ALDH9A1: variants seen among roughly 807,000 people sequenced by gnomAD.
ALDH9A1 encodes the protein aldehyde dehydrogenase 9 family member A1.
A neutral mutation model predicts 56.6 loss-of-function variants in ALDH9A1; 42 were observed. The observed-to-expected ratio is 0.74, with a 90% confidence interval of 0.58 to 0.96. The LOEUF (loss-of-function observed/expected upper bound fraction) is 0.96, where lower values mean the gene tolerates loss of function less well. Ranked by LOEUF, ALDH9A1 falls within the 40% of genes least tolerant of loss-of-function variation. ALDH9A1 has a pLI of 0.00. For synonymous variants in ALDH9A1, 242 were observed against 236.0 expected, an observed-to-expected ratio of 1.03 and a Z score of -0.23; for missense variants, 661 against 651.5, an observed-to-expected ratio of 1.01 and a Z score of -0.16.
intron 7 of ALDH9A1, 75 bp from the exon 8 acceptor site, chr1:165,669,088 C>T: frequency 1.4e-6 from 2 of 1,401,508 alleles, no homozygotes; most frequent in East Asian, 2.3e-5. Flanking sequence ...TTAATTGTAT[C>T]CCGAACAAAC....
At chr1:165,666,816 A>G (rs1369489087) in intron 9 of ALDH9A1, among the ~76,000 whole-genome samples, 2 of 152,230 alleles carry the variant, frequency 1.3e-5, no homozygotes, top group African/African-American at 4.8e-5. Context: ...TTTTACTTGT[A>G]ATAGTAAAGT....
At position 165,671,172 on chromosome 1, in the gene ALDH9A1, A is replaced by G. The variant is rs190651904; in HGVS notation, c.931-1722T>C. ...TAAAAATTTAAAATTGTGACTATAT[A>G]TGCTGTTAAGAAAGGCTATGAAGAA... On this transcript the variant is annotated intron_variant, in intron 6 of 10. Coordinates refer to ENST00000354775, the MANE Select transcript of ALDH9A1 (RefSeq NM_000696.4). The G allele has an allele frequency of 1.7e-4, 28 of 169,030 alleles. 1 individual carries two copies. The East Asian group carries it at 4.7e-3, about 28-fold the overall frequency. The allele number at this position is 169,030 out of a possible 1,614,324, so 10.5% of individuals were successfully genotyped here.
chr1:165,674,871 T>C (rs1040413464), intron 6 of ALDH9A1, among the ~76,000 whole-genome samples: 1 of 151,746 alleles, frequency 6.6e-6, no homozygotes, highest in Admixed American at 6.6e-5. Context: ...AACGGATAAA[T>C]TGTGATACAT....
At chr1:165,674,685 C>CAAAAAAAAAAAAAAAAAAA (rs36011778) in intron 6 of ALDH9A1, among the ~76,000 whole-genome samples, 1 of 115,556 alleles carries the variant, frequency 8.7e-6, no homozygotes, top group African/African-American at 3.4e-5. Context: ...GACTCCGAAT[C>CAAAAAAAAAAAAAAAAAAA]AAAAAAAAAA....
In ALDH9A1 at chr1:165,662,907, GAA is replaced by G. The variant is rs1648887350; in HGVS notation, c.*141_*142del. The stretch of plus-strand genomic sequence containing the variant: ...TTCAGTGAGGAAGCTGATGGAGAGA[GAA>G]AGAGTAACATGAACCATTCTCTTAT... On this transcript the variant is annotated 3_prime_UTR_variant, in exon 11 of 11. Coordinates refer to ENST00000354775, the MANE Select transcript of ALDH9A1 (RefSeq NM_000696.4). 3.0e-6 allele frequency: 2 copies of G among 674,702 alleles called. No homozygotes were observed. Among genetic ancestry groups the G allele is most frequent in the Non-Finnish European group, 5.2e-6 (2 of 382,294 alleles). The allele number at this position is 674,702 out of a possible 1,614,324, so 41.8% of individuals were successfully genotyped here.
intron 6 of ALDH9A1, chr1:165,676,511 C>T: frequency 3.5e-6 from 1 of 288,124 alleles, no homozygotes; most frequent in Non-Finnish European, 6.5e-6. Flanking sequence ...ACAATGTTAC[C>T]CAGCATGTTG....
chr1:165,664,274 A>G (rs1215332448), intron 10 of ALDH9A1, among the ~76,000 whole-genome samples: 1 of 152,184 alleles, frequency 6.6e-6, no homozygotes. Flanking sequence ...TGGTGCCTCG[A>G]CAAAGTCCAA....
intron 2 of ALDH9A1, among the ~76,000 whole-genome samples, chr1:165,686,261 G>A (rs527240130): frequency 3.3e-4 from 51 of 152,240 alleles, no homozygotes; most frequent in African/African-American, 1.1e-3. Context: ...GGAGTCTACT[G>A]CCTAGAGAAA....
At chr1:165,696,197 G>C (rs1420200763) in intron 1 of ALDH9A1, among the ~76,000 whole-genome samples, 1 of 152,080 alleles carries the variant, frequency 6.6e-6, no homozygotes, top group Admixed American at 6.6e-5. Flanking sequence ...TTAGGAGTCT[G>C]ATAAAAGTTG....
intron 9 of ALDH9A1, among the ~76,000 whole-genome samples, chr1:165,666,590 C>A (rs1169976338): frequency 1.3e-5 from 2 of 152,130 alleles, no homozygotes; most frequent in Non-Finnish European, 2.9e-5. Flanking sequence ...GCAATTACAT[C>A]AGGTCCTCAA....
chr1:165,673,272 A>C (rs948591914), intron 6 of ALDH9A1, among the ~76,000 whole-genome samples: 1 of 152,226 alleles, frequency 6.6e-6, no homozygotes, highest in Non-Finnish European at 1.5e-5. Flanking sequence ...ATCTGTTAGC[A>C]TGGTTATTAT....
chr1:165,697,751 G>C (rs1168243329), intron 1 of ALDH9A1, among the ~76,000 whole-genome samples: 6 of 152,164 alleles, frequency 3.9e-5, no homozygotes, highest in African/African-American at 1.4e-4. Context: ...ACAGTTGGCT[G>C]GGCTTGGTGG....
At chr1:165,695,508 T>C in intron 1 of ALDH9A1, 111 bp from the exon 2 acceptor site, 1 of 368,258 alleles carries the variant, frequency 2.7e-6, no homozygotes, top group Non-Finnish European at 3.4e-6. Context: ...TTTTTTTTTT[T>C]TTCTTGAGAT....
chr1:165,668,939 T>G lies in ALDH9A1; in HGVS notation c.1194A>C (p.Arg398Ser). The change falls in exon 8 of 11, where the codon AGA becomes AGC. Residue 398 changes from arginine (R) to serine (S), a missense_variant. Physicochemically the swap from Arg to Ser is moderately radical, Grantham distance 110. Transcript: ENST00000354775. ...AAGAGGACATACTTAATACACAAGGTCTCATGTAATATCCATCCTTTAATT... is the reference window on the plus strand; with the variant it reads ...AAGAGGACATACTTAATACACAAGGGCTCATGTAATATCCATCCTTTAATT... The part of the protein sequence containing the change: ...DPKLKDGYYM[R>S]PCVLTNCRDD... 6.3e-7 allele frequency: 1 copy of G among 1,599,694 alleles called. No homozygotes were observed. Among genetic ancestry groups the G allele is most frequent in the Non-Finnish European group, 8.6e-7 (1 of 1,167,056 alleles).
Position 165,662,385 on chromosome 1 carries a change from T to G in ALDH9A1, c.*665A>C, listed in dbSNP as rs1648869095. On this transcript the variant is annotated 3_prime_UTR_variant, in exon 11 of 11. Coordinates refer to ENST00000354775, the MANE Select transcript of ALDH9A1 (RefSeq NM_000696.4). ...GCAGTAGTGAACAGAGACAAAGTGC[T>G]TACTAGGCAAGTTCACATTCACACA... is the stretch of plus-strand genomic sequence containing the variant. The G allele has an allele frequency of 6.6e-6, 1 of 152,356 alleles. No homozygotes were observed. Among genetic ancestry groups the G allele is most frequent in the Non-Finnish European group, 1.5e-5 (1 of 68,172 alleles). 9.4% of individuals were successfully genotyped at this position (152,356 alleles called of 1,614,324 possible). A position where few individuals can be genotyped will look rare whatever the true frequency, so the allele number is the denominator to read the frequency against.
At chr1:165,694,675 G>A (rs986078864) in intron 2 of ALDH9A1, among the ~76,000 whole-genome samples, 1 of 152,070 alleles carries the variant, frequency 6.6e-6, no homozygotes. Context: ...AAGAAAGAAA[G>A]GCTGGGCACA....
At chr1:165,677,857 C>CA (rs35531113) in intron 6 of ALDH9A1, among the ~76,000 whole-genome samples, 1,526 of 86,778 alleles carry the variant, frequency 0.018, 34 homozygotes, top group African/African-American at 0.054. Flanking sequence ...GACTCTGTCT[C>CA]AAAAAAAAAA....
intron 2 of ALDH9A1, 98 bp downstream of exon 2, chr1:165,695,154 C>T (rs937419436): frequency 3.0e-6 from 4 of 1,339,946 alleles, no homozygotes; most frequent in East Asian, 2.6e-5. Flanking sequence ...TTTATAAAAA[C>T]GTTACGGCCT....
intron 2 of ALDH9A1, among the ~76,000 whole-genome samples, chr1:165,685,196 A>T (rs1408304011): frequency 6.6e-6 from 1 of 152,148 alleles, no homozygotes; most frequent in South Asian, 2.1e-4. Context: ...TTCCTCCTCT[A>T]TATCACCCTG....
Sources: allele counts gnomAD v4.1 joint callset (sites outside exome capture counted in the v4.1 genomes callset), GRCh38; gene constraint gnomAD v4.1.1; transcripts MANE v1.5; gene names NCBI Gene and HGNC (gene_info 2026-07-23, HGNC 2026-07-21).